MARCHF1: variants seen among roughly 807,000 people sequenced by gnomAD.
The protein encoded by MARCHF1 is membrane associated ring-CH-type finger 1, also known as E3 ubiquitin-protein ligase MARCHF1.
MARCHF1 carries 40 observed loss-of-function variants against 54.2 expected under a neutral mutation model. That is an observed-to-expected ratio of 0.74 (90% CI 0.57 to 0.96). MARCHF1 has a LOEUF of 0.96. Among genes scored for constraint, MARCHF1 ranks in the 40% least tolerant of loss-of-function variants. The probability of loss-of-function intolerance (pLI) is 0.00; values close to 1 mark genes in which losing one functional copy is unlikely to be tolerated. For synonymous variants in MARCHF1, 236 were observed against 236.3 expected (o/e 1.00, Z 0.01); for missense variants, 586 against 656.5 (o/e 0.89, Z 1.17).
intron 1 of MARCHF1, among the ~76,000 whole-genome samples, chr4:164,264,629 C>A (rs1733557010): frequency 6.6e-6 from 1 of 151,930 alleles, no homozygotes; most frequent in African/African-American, 2.4e-5. Context: ...AGATATGAGA[C>A]CCACCACTGG....
At chr4:164,335,203 T>TA (rs1414387425) in intron 1 of MARCHF1, among the ~76,000 whole-genome samples, 1 of 152,164 alleles carries the variant, frequency 6.6e-6, no homozygotes, top group African/African-American at 2.4e-5. Flanking sequence ...TTAATTTGGT[T>TA]AAAAGCTATC....
chr4:164,165,775 GCTTC>G (rs1730365259), intron 1 of MARCHF1, among the ~76,000 whole-genome samples: 1 of 151,826 alleles, frequency 6.6e-6, no homozygotes, highest in Non-Finnish European at 1.5e-5. Context: ...CTTAAATTCT[GCTTC>G]CATCATTTTT....
chr4:164,248,870 G>A (rs1301281659), intron 1 of MARCHF1, among the ~76,000 whole-genome samples: 1 of 151,540 alleles, frequency 6.6e-6, no homozygotes, highest in Non-Finnish European at 1.5e-5. Flanking sequence ...TTCATATAAG[G>A]GCTAGGAAAT....
chr4:163,596,241 G>A (rs1232319966), intron 7 of MARCHF1, among the ~76,000 whole-genome samples: 2 of 152,004 alleles, frequency 1.3e-5, no homozygotes, highest in African/African-American at 4.8e-5. Context: ...GAGGATAGAC[G>A]CTCAAGAGTC....
chr4:164,248,307 TA>T (rs917259761), intron 1 of MARCHF1, among the ~76,000 whole-genome samples: 4 of 152,012 alleles, frequency 2.6e-5, no homozygotes, highest in Admixed American at 6.6e-5. Context: ...TGAATTTAAT[TA>T]AAAAATCAAA....
intron 1 of MARCHF1, among the ~76,000 whole-genome samples, chr4:164,157,915 C>A (rs1209267333): frequency 6.6e-6 from 1 of 152,108 alleles, no homozygotes; most frequent in African/African-American, 2.4e-5. Context: ...CATGAAAAAA[C>A]AACTGCAACA....
rs536672708 is a variant in MARCHF1, at chr4:164,100,926, A to AGGGC, written c.-248+10658_-248+10661dup. Among the ~76,000 whole-genome samples the AGGGC allele has an allele frequency of 2.3e-3, 353 of 152,354 alleles. 2 individuals carry two copies. Among genetic ancestry groups the AGGGC allele is most frequent in the African/African-American group, 8.0e-3 (334 of 41,598 alleles). ...GCGCGCACAGTGCGCGAGCCGAAGT[A>AGGGC]GGGCGAGGCATTGCCTCACTTGGGA... On this transcript the variant is annotated intron_variant, in intron 2 of 9. Transcript: ENST00000514618.
chr4:164,245,447 T>C (rs1291969941), intron 1 of MARCHF1, among the ~76,000 whole-genome samples: 8 of 152,152 alleles, frequency 5.3e-5, no homozygotes, highest in Non-Finnish European at 8.8e-5. Flanking sequence ...ATGGGACATA[T>C]CTCAAAATAA....
chr4:164,197,546 A>C, intron 1 of MARCHF1: 1 of 1,613,366 alleles, frequency 6.2e-7, no homozygotes. Context: ...TCTGAGATTG[A>C]GGTGAGGCCT....
At chr4:163,537,148 T>A (rs1251500510) in intron 9 of MARCHF1, among the ~76,000 whole-genome samples, 1 of 98,348 alleles carries the variant, frequency 1.0e-5, no homozygotes, top group Non-Finnish European at 2.4e-5. Flanking sequence ...AAGGATTGTA[T>A]GTGGAAAACT....
chr4:164,015,122 C>A (rs549186725), intron 2 of MARCHF1, among the ~76,000 whole-genome samples: 2 of 152,188 alleles, frequency 1.3e-5, no homozygotes, highest in South Asian at 2.1e-4. Context: ...AACAATGGAA[C>A]AGAATAGATA....
intron 2 of MARCHF1, among the ~76,000 whole-genome samples, chr4:164,087,796 C>CT (rs1166325316): frequency 1.1e-5 from 1 of 89,912 alleles, no homozygotes; most frequent in Non-Finnish European, 2.5e-5. Flanking sequence ...TAATTGATAG[C>CT]TTTTTTCTGT....
intron 5 of MARCHF1, among the ~76,000 whole-genome samples, chr4:163,679,922 C>T (rs1744047318): frequency 6.6e-6 from 1 of 151,834 alleles, no homozygotes; most frequent in South Asian, 2.1e-4. Context: ...TCTTAAACTT[C>T]CATGTTTTAC....
intron 4 of MARCHF1, among the ~76,000 whole-genome samples, chr4:163,847,149 T>A (rs2111150073): frequency 6.6e-6 from 1 of 152,280 alleles, no homozygotes; most frequent in East Asian, 1.9e-4. Flanking sequence ...ATGATAAGAT[T>A]CCTCAATTAA....
chr4:164,031,133 A>G (rs533878081), intron 2 of MARCHF1, among the ~76,000 whole-genome samples: 1 of 152,296 alleles, frequency 6.6e-6, no homozygotes, highest in African/African-American at 2.4e-5. Context: ...GACAGAAGGC[A>G]TCCTTATCGT....
intron 3 of MARCHF1, among the ~76,000 whole-genome samples, chr4:163,921,102 T>C (rs12649807): frequency 0.23 from 34,598 of 152,084 alleles, 4,975 homozygotes; most frequent in African/African-American, 0.41. Flanking sequence ...TGTGTTTCTA[T>C]AGAGAGCAAA....
intron 3 of MARCHF1, among the ~76,000 whole-genome samples, chr4:163,884,234 C>T (rs1750482027): frequency 6.6e-6 from 1 of 151,752 alleles, no homozygotes; most frequent in Non-Finnish European, 1.5e-5. Context: ...TGCCCTGGGA[C>T]CTGAGGATCA....
chr4:163,797,898 G>A (rs1747964489), intron 4 of MARCHF1, among the ~76,000 whole-genome samples: 2 of 152,050 alleles, frequency 1.3e-5, no homozygotes, highest in South Asian at 4.1e-4. Context: ...ACTCATGTTA[G>A]AGCTTGTATA....
At chr4:164,054,444 T>C (rs1754443038) in intron 2 of MARCHF1, among the ~76,000 whole-genome samples, 1 of 151,990 alleles carries the variant, frequency 6.6e-6, no homozygotes, top group African/African-American at 2.4e-5. Flanking sequence ...CAAAGGACTA[T>C]AAATCATGCT....
Sources: allele counts gnomAD v4.1 joint callset (sites outside exome capture counted in the v4.1 genomes callset), GRCh38; gene constraint gnomAD v4.1.1; transcripts MANE v1.5; gene names NCBI Gene and HGNC (gene_info 2026-07-23, HGNC 2026-07-21).